PAM: variants seen among roughly 807,000 people sequenced by gnomAD.
The protein encoded by PAM is peptidylglycine alpha-amidating monooxygenase.
In PAM, 72 loss-of-function variants were observed where a neutral mutation model predicts 122.1. That is an observed-to-expected ratio of 0.59 (90% CI 0.49 to 0.72). The LOEUF (loss-of-function observed/expected upper bound fraction) is 0.72. Among genes scored for constraint, PAM ranks in the 30% least tolerant of loss-of-function variants. The pLI is 0.00. For missense variants in PAM, 1,106 were observed against 1,183.7 expected, an observed-to-expected ratio of 0.93 and a Z score of 0.96; for synonymous variants, 389 against 404.4, an observed-to-expected ratio of 0.96 and a Z score of 0.46.
At chr5:102,852,711 T>C (rs112569825) in intron 1 of PAM, among the ~76,000 whole-genome samples, 7 of 152,316 alleles carry the variant, frequency 4.6e-5, no homozygotes, top group African/African-American at 1.7e-4. Context: ...TGCTGACTTT[T>C]AAAACTCCAC....
chr5:102,769,261 C>T (rs768625854), intron 1 of PAM, among the ~76,000 whole-genome samples: 1 of 152,140 alleles, frequency 6.6e-6, no homozygotes. Flanking sequence ...AATCCTTTGT[C>T]AGATGGATAG....
intron 1 of PAM, among the ~76,000 whole-genome samples, chr5:102,855,220 GT>G (rs1446498501): frequency 6.6e-6 from 1 of 152,030 alleles, no homozygotes; most frequent in Admixed American, 6.6e-5. Flanking sequence ...ATGAGAGAAT[GT>G]TTTGACATTC....
intron 1 of PAM, among the ~76,000 whole-genome samples, chr5:102,848,964 G>A (rs892947983): frequency 1.3e-5 from 2 of 152,036 alleles, no homozygotes; most frequent in Non-Finnish European, 2.9e-5. Context: ...ACCCATATGA[G>A]GGCACATCAA....
chr5:102,894,574 G>A (rs1297412538), intron 3 of PAM, among the ~76,000 whole-genome samples: 1 of 151,502 alleles, frequency 6.6e-6, no homozygotes, highest in East Asian at 1.9e-4. Flanking sequence ...CAATTTTTAT[G>A]TTTCCTAAAT....
intron 3 of PAM, among the ~76,000 whole-genome samples, chr5:102,881,698 T>A (rs1791145697): frequency 6.6e-6 from 1 of 151,926 alleles, no homozygotes; most frequent in South Asian, 2.1e-4. Context: ...TCTTTTTTTT[T>A]TTTTCAATAG....
At chr5:102,854,920 A>G (rs1056498947) in intron 1 of PAM, among the ~76,000 whole-genome samples, 1 of 152,238 alleles carries the variant, frequency 6.6e-6, no homozygotes, top group African/African-American at 2.4e-5. Context: ...TGTTAGTGCT[A>G]TAGACTAGAA....
intron 1 of PAM, chr5:102,864,694 A>G (rs2150930947): frequency 6.6e-6 from 1 of 151,688 alleles, no homozygotes; most frequent in East Asian, 1.9e-4. Context: ...ATTTTTCCTT[A>G]TTTTTTCTTT....
At chr5:102,949,654 A>G (rs755443088) in intron 10 of PAM, 37 bp downstream of exon 10, 39 of 1,003,004 alleles carry the variant, frequency 3.9e-5, no homozygotes, top group Non-Finnish European at 5.4e-5. Context: ...AATATTTACC[A>G]TTGTGCTTCC....
intron 15 of PAM, among the ~76,000 whole-genome samples, chr5:102,976,350 G>A (rs1053202633): frequency 6.6e-6 from 1 of 151,858 alleles, no homozygotes; most frequent in African/African-American, 2.4e-5. Context: ...TTTAATCGAT[G>A]CTGTTTCATT....
At chr5:102,862,677 A>G (rs1291122405) in intron 1 of PAM, among the ~76,000 whole-genome samples, 3 of 152,220 alleles carry the variant, frequency 2.0e-5, no homozygotes, top group African/African-American at 7.2e-5. Flanking sequence ...AACAACAATA[A>G]TAGGGAATAT....
chr5:102,942,586 A>T (rs1395162675), intron 7 of PAM, among the ~76,000 whole-genome samples: 7 of 145,806 alleles, frequency 4.8e-5, no homozygotes, highest in Non-Finnish European at 1.1e-4. Context: ...AATTTTCTAA[A>T]TTTTTTTTTT....
chr5:102,830,258 T>C (rs540874349), intron 1 of PAM, among the ~76,000 whole-genome samples: 2 of 152,336 alleles, frequency 1.3e-5, no homozygotes, highest in South Asian at 2.1e-4. Context: ...AATTGTTTTT[T>C]TTCTTTGTCT....
At chr5:102,936,101 T>C (rs920320233) in intron 7 of PAM, among the ~76,000 whole-genome samples, 3 of 152,160 alleles carry the variant, frequency 2.0e-5, no homozygotes, top group Admixed American at 2.0e-4. Context: ...CACTTGAGGG[T>C]ATTTGCATCT....
chr5:102,834,932 TCTAC>T (rs1359622983), intron 1 of PAM, among the ~76,000 whole-genome samples: 7 of 152,166 alleles, frequency 4.6e-5, no homozygotes, highest in African/African-American at 1.7e-4. Context: ...ATAGTGTCTA[TCTAC>T]CTACTGTGCA....
At chr5:102,834,767 AG>A (rs537649248) in intron 1 of PAM, among the ~76,000 whole-genome samples, 2 of 152,204 alleles carry the variant, frequency 1.3e-5, no homozygotes, top group African/African-American at 4.8e-5. Flanking sequence ...CAGGAAGGGA[AG>A]GGTGGAGGGA....
chr5:102,900,415 A>C, intron 3 of PAM, among the ~76,000 whole-genome samples: 1 of 151,666 alleles, frequency 6.6e-6, no homozygotes, highest in Non-Finnish European at 1.5e-5. Context: ...ATCACATCTC[A>C]GTAATTTTTC....
chr5:102,991,902 A>AT (rs1407558185), intron 16 of PAM, among the ~76,000 whole-genome samples: 2 of 152,122 alleles, frequency 1.3e-5, no homozygotes, highest in African/African-American at 4.8e-5. Context: ...TTCTAGCCAC[A>AT]TTTTACCAGA....
intron 4 of PAM, among the ~76,000 whole-genome samples, chr5:102,908,321 C>T (rs1800245450): frequency 6.6e-6 from 1 of 151,796 alleles, no homozygotes; most frequent in South Asian, 2.1e-4. Context: ...TGTTCTGTTC[C>T]ATTGATCTAT....
In PAM at chr5:103,007,661, T is replaced by C. The variant is rs1286149766; in HGVS notation, c.2215+4T>C. 3.9e-6 allele frequency: 6 copies of C among 1,540,248 alleles called. No individual in the cohort carries two copies. The South Asian group carries it at 6.7e-5, about 17-fold the overall frequency. Reference sequence around the variant, plus strand: ...TTTGCAATTTCATATATACCAGGTATTTCATCTTAATATGTTTGTTGTCTT... The same window carrying C: ...TTTGCAATTTCATATATACCAGGTACTTCATCTTAATATGTTTGTTGTCTT... On this transcript the variant is annotated splice_donor_region_variant and intron_variant, in intron 20 of 25. Coordinates refer to ENST00000438793, the MANE Select transcript of PAM (RefSeq NM_001177306.2).
Sources: allele counts gnomAD v4.1 joint callset (sites outside exome capture counted in the v4.1 genomes callset), GRCh38; gene constraint gnomAD v4.1.1; transcripts MANE v1.5; gene names NCBI Gene and HGNC (gene_info 2026-07-23, HGNC 2026-07-21).